Variants in RRN3 observed in about 807,000 individuals in gnomAD.
RRN3 encodes the protein RNA polymerase I-specific transcription initiation factor RRN3.
Under a neutral mutation model 82.3 loss-of-function variants are expected in RRN3, and 38 were observed. The ratio of observed to expected loss-of-function variants is 0.46; its 90% CI spans 0.36 to 0.61. The LOEUF is 0.61. Ranked by LOEUF, RRN3 falls within the 20% of genes least tolerant of loss-of-function variation. The pLI is 0.00. For synonymous variants in RRN3, 284 were observed against 284.3 expected (o/e 1.00, Z 0.01); for missense variants, 726 against 793.1 (o/e 0.92, Z 1.02).
At chr16:15,067,653 C>CT (rs2045034481) in intron 15 of RRN3, among the ~76,000 whole-genome samples, 1 of 151,464 alleles carries the variant, frequency 6.6e-6, no homozygotes, top group African/African-American at 2.4e-5. Context: ...GGTTGCCATA[C>CT]TTATTTCAAA....
intron 10 of RRN3, 28 bp from the exon 11 acceptor site, chr16:15,074,889 A>G (rs1238033396): frequency 1.3e-6 from 2 of 1,586,538 alleles, no homozygotes; most frequent in East Asian, 4.5e-5. Context: ...AAATACTAAC[A>G]TTAAAAAATT....
intron 15 of RRN3, among the ~76,000 whole-genome samples, chr16:15,067,930 A>T (rs1350190553): frequency 6.6e-6 from 1 of 151,646 alleles, no homozygotes; most frequent in Non-Finnish European, 1.5e-5. Flanking sequence ...GCTAATTTTT[A>T]AAATTTTTTT....
At position 15,064,635 on chromosome 16, in the gene RRN3, TAAAGAA is replaced by T. The variant is rs921418348; in HGVS notation, c.1706+578_1706+583del. On this transcript the variant is annotated intron_variant, in intron 16 of 17. Transcript: ENST00000198767. ...AACCTTACATGTTTAAATAACAGTTTAAAGAAAAACAAAAAACAAAAAACCCTTGAT... is the reference window on the plus strand; with the variant it reads ...AACCTTACATGTTTAAATAACAGTTTAAACAAAAAACAAAAAACCCTTGAT... Among the ~76,000 whole-genome samples, 9 of 152,270 alleles carry T rather than the reference TAAAGAA, an allele frequency of 5.9e-5. No homozygotes were observed. The South Asian group carries it at 1.9e-3, about 32-fold the overall frequency.
At chr16:15,094,078 C>T (rs938684894) in intron 1 of RRN3, 67 bp downstream of exon 1, 1 of 1,392,844 alleles carries the variant, frequency 7.2e-7, no homozygotes, top group Admixed American at 2.0e-5. Flanking sequence ...TCCTTTCAAT[C>T]CGCTCCTCTA....
At chr16:15,074,569 C>T in intron 11 of RRN3, 154 bp downstream of exon 11, 1 of 465,294 alleles carries the variant, frequency 2.1e-6, no homozygotes, top group South Asian at 6.1e-5. Flanking sequence ...ATGTGACTGG[C>T]AAGTAACTTG....
chr16:15,085,166 C>G (rs1415736856), intron 6 of RRN3, among the ~76,000 whole-genome samples: 2 of 152,186 alleles, frequency 1.3e-5, no homozygotes, highest in Non-Finnish European at 2.9e-5. Flanking sequence ...AGATTTTTCT[C>G]CACCAGCATC....
intron 16 of RRN3, among the ~76,000 whole-genome samples, chr16:15,064,893 G>A (rs562329529): frequency 3.9e-5 from 6 of 152,322 alleles, no homozygotes; most frequent in African/African-American, 7.2e-5. Flanking sequence ...CTGGCCGGGC[G>A]CGGTGGCTCA....
chr16:15,074,866 G>A lies in RRN3; in HGVS notation c.859-5C>T, dbSNP rs371464919. ...TTCAGTTTCTTCATCTTCATCCTTT[G>A]AAGACAAAAAGTAAATACTAACATT... On this transcript the variant is annotated splice_polypyrimidine_tract_variant and splice_region_variant and intron_variant, in intron 10 of 17. Coordinates refer to ENST00000198767, the MANE Select transcript of RRN3 (RefSeq NM_018427.5). The A allele has an allele frequency of 1.9e-6, 3 of 1,602,236 alleles. No homozygotes were observed. The highest frequency in any genetic ancestry group is 2.7e-5 in the African/African-American group (2 of 74,372).
At chr16:15,089,821 G>C (rs1405539382) in intron 3 of RRN3, among the ~76,000 whole-genome samples, 2 of 137,070 alleles carry the variant, frequency 1.5e-5, no homozygotes, top group African/African-American at 5.4e-5. Flanking sequence ...ACAGATTAAA[G>C]GATCAGGAGA....
intron 1 of RRN3, 115 bp downstream of exon 1, chr16:15,094,030 C>G (rs956427006): frequency 2.2e-6 from 2 of 896,378 alleles, no homozygotes; most frequent in African/African-American, 3.3e-5. Context: ...GACCCTCCAC[C>G]CCGTGCTCCT....
intron 15 of RRN3, among the ~76,000 whole-genome samples, chr16:15,067,952 G>T (rs188552138): frequency 6.6e-6 from 1 of 151,836 alleles, no homozygotes; most frequent in East Asian, 1.9e-4. Flanking sequence ...TAGAGATAGG[G>T]TCTCACTATG....
At chr16:15,073,387 G>A (rs1235289169) in intron 11 of RRN3, among the ~76,000 whole-genome samples, 3 of 152,294 alleles carry the variant, frequency 2.0e-5, no homozygotes, top group Admixed American at 2.0e-4. Context: ...AGCCCAGGAG[G>A]TCAAGGCTGC....
intron 12 of RRN3, among the ~76,000 whole-genome samples, chr16:15,072,620 T>A (rs2045284478): frequency 6.6e-6 from 1 of 152,102 alleles, no homozygotes; most frequent in Non-Finnish European, 1.5e-5. Flanking sequence ...ATGGCCAACG[T>A]GGCGAAACCC....
intron 3 of RRN3, among the ~76,000 whole-genome samples, chr16:15,089,483 A>C (rs1451211598): frequency 3.3e-5 from 5 of 152,008 alleles, no homozygotes; most frequent in African/African-American, 4.8e-5. Context: ...TAAGATCAAG[A>C]AACTATCAAG....
intron 7 of RRN3, 48 bp downstream of exon 7, chr16:15,084,594 C>T: frequency 3.0e-6 from 4 of 1,320,192 alleles, no homozygotes; most frequent in Non-Finnish European, 4.3e-6. Flanking sequence ...TAATTGATTA[C>T]AATTTTCTTG....
chr16:15,093,210 G>A (rs948683860), intron 1 of RRN3, among the ~76,000 whole-genome samples: 1 of 152,094 alleles, frequency 6.6e-6, no homozygotes, highest in African/African-American at 2.4e-5. Flanking sequence ...TCGCACGTTG[G>A]CCAGGCTGGT....
intron 12 of RRN3, 21 bp downstream of exon 12, chr16:15,072,929 G>A (rs752555884): frequency 2.6e-5 from 42 of 1,611,548 alleles, no homozygotes; most frequent in Non-Finnish European, 3.5e-5. Flanking sequence ...CTAAGATAAT[G>A]TTAATCACAT....
In RRN3 at chr16:15,074,750, A is replaced by T; in HGVS notation, c.970T>A (p.Tyr324Asn). 2 of 1,614,076 alleles carry T rather than the reference A, an allele frequency of 1.2e-6. No homozygotes were observed. The highest frequency in any genetic ancestry group is 1.7e-6 in the Non-Finnish European group (2 of 1,179,990). The change falls in exon 11 of 18, where the codon TAC becomes AAC. Residue 324 changes from tyrosine (Y) to asparagine (N), a missense_variant. Tyr to Asn is a moderately radical substitution (Grantham distance 143, BLOSUM62 -2). Coordinates refer to ENST00000198767, the MANE Select transcript of RRN3 (RefSeq NM_018427.5). ...TCTACATAGCAGACATCCTTCATGT[A>T]GGACAAAACCAAAGACATCAGGATG... ...LDILMSLVLS[Y>N]MKDVCYVDGK...
intron 8 of RRN3, among the ~76,000 whole-genome samples, chr16:15,083,293 G>A (rs142125183): frequency 5.3e-5 from 8 of 152,256 alleles, no homozygotes; most frequent in African/African-American, 1.7e-4. Context: ...CAGCTAATGG[G>A]GAGGCTGAGG....
Sources: gnomAD v4.1 joint callset for allele counts (sites outside exome capture counted in the v4.1 genomes callset) on GRCh38, gnomAD v4.1.1 for gene constraint, MANE v1.5 for transcripts, NCBI Gene and HGNC (gene_info 2026-07-23, HGNC 2026-07-21) for gene names.